The following RIF1 variants were observed in gnomAD, a reference collection of about 807,000 sequenced individuals.
RIF1 encodes the protein replication timing regulatory factor 1.
In RIF1, 45 loss-of-function variants were observed where a neutral mutation model predicts 247.1. The observed-to-expected ratio is 0.18, with a 90% CI of 0.14 to 0.23. The LOEUF is 0.23. Among genes scored for constraint, RIF1 ranks in the 10% least tolerant of loss-of-function variants. The pLI is 1.00. For synonymous variants in RIF1, 1,087 were observed against 978.8 expected (o/e 1.11, Z -2.06); for missense variants, 2,967 against 2,862.5 (o/e 1.04, Z -0.83).
At chr2:151,490,653 TCA>T (rs2055701170) in intron 9 of RIF1, 19 of 1,043,010 alleles carry the variant, frequency 1.8e-5, no homozygotes, top group Non-Finnish European at 2.4e-5. Flanking sequence ...GGTCAAACCC[TCA>T]CAGTTATTCT....
chr2:151,451,726 CTTTG>C (rs1694347914), intron 21 of RIF1, 21 bp downstream of exon 21: 4 of 1,229,088 alleles, frequency 3.3e-6, no homozygotes, highest in African/African-American at 1.5e-5. Context: ...ATTTTTTAAC[CTTTG>C]TTTGTCCAGT....
intron 8 of RIF1, among the ~76,000 whole-genome samples, chr2:151,427,555 C>G (rs1332770128): frequency 6.9e-6 from 1 of 144,568 alleles, no homozygotes; most frequent in African/African-American, 2.6e-5. Flanking sequence ...TTCTCCTGAG[C>G]TCATATTTTT....
At chr2:151,509,065 T>C (rs954815198), downstream of RIF1, among the ~76,000 whole-genome samples, 5 of 152,198 alleles carry the variant, frequency 3.3e-5, no homozygotes, top group African/African-American at 1.2e-4. Context: ...GCCACTGTTA[T>C]AATGGGGATA....
Position 151,493,987 on chromosome 2 carries a change from A to G in RIF1, c.*416-1242A>G. 4 of 901,158 alleles carry G rather than the reference A, an allele frequency of 4.4e-6. No individual in the cohort carries two copies. The South Asian group carries it at 6.8e-5, about 15-fold the overall frequency. The allele number at this position is 901,158 out of a possible 1,614,324, so 55.8% of individuals were successfully genotyped here. A position where few individuals can be genotyped will look rare whatever the true frequency, so the allele number is the denominator to read the frequency against. On this transcript the variant is annotated intron_variant and NMD_transcript_variant, in intron 9 of 13. Transcript: ENST00000454583. ...TTACTATTAGTGAGAACACCTCTCA[A>G]GAAGAAAGCTTAAAAATAGTTAATG...
At chr2:151,490,578 C>T in intron 9 of RIF1, 1 of 1,554,732 alleles carries the variant, frequency 6.4e-7, no homozygotes, top group Non-Finnish European at 8.8e-7. Flanking sequence ...GTAGTAATGC[C>T]TAACAGTGAT....
chr2:151,438,150 C>G (rs1397386824), intron 13 of RIF1, among the ~76,000 whole-genome samples: 1 of 152,148 alleles, frequency 6.6e-6, no homozygotes, highest in Admixed American at 6.6e-5. Flanking sequence ...CTTAGTTACA[C>G]AATTCATTGT....
chr2:151,488,920 T>C (rs1188416692), intron 9 of RIF1, among the ~76,000 whole-genome samples: 1 of 152,212 alleles, frequency 6.6e-6, no homozygotes, highest in African/African-American at 2.4e-5. Flanking sequence ...ATTGCCATGC[T>C]AAATCCATAT....
At position 151,416,797 on chromosome 2, in the gene RIF1, CG is replaced by C. The variant is rs764785009; in HGVS notation, c.409-9del. On this transcript the variant is annotated splice_polypyrimidine_tract_variant and intron_variant, in intron 5 of 35. Transcript: ENST00000444746. ...TTATTTCATTTGTATTTATTTGGTT[CG>C]TTTTTTAGGTATCCAGTATAATTGA... is the stretch of plus-strand genomic sequence containing the variant. The C allele has an allele frequency of 8.4e-5, 134 of 1,602,818 alleles. No homozygotes were observed. The highest frequency in any genetic ancestry group is 1.0e-4 in the Non-Finnish European group (120 of 1,174,226).
At position 151,420,305 on chromosome 2, in the gene RIF1, C is replaced by T. The variant is rs754633115; in HGVS notation, c.619C>T (p.Leu207=). The T allele has an allele frequency of 1.2e-6, 2 of 1,614,012 alleles. No individual in the cohort carries two copies. Among genetic ancestry groups the T allele is most frequent in the African/African-American group, 2.7e-5 (2 of 74,918 alleles). ...GGTACATTTGCGGGGAGCAACTGCTCTGGAGATGGGAATGCCATTATTGCT... is the reference window on the plus strand; with the variant it reads ...GGTACATTTGCGGGGAGCAACTGCTTTGGAGATGGGAATGCCATTATTGCT... ...QKVHLRGATA[L]EMGMPLLLQK... is the part of the protein sequence containing the mutation. The change falls in exon 7 of 36, where the codon CTG becomes TTG. Residue 207 remains leucine (L), a synonymous_variant. Coordinates refer to ENST00000444746, the MANE Select transcript of RIF1 (RefSeq NM_018151.5).
intron 13 of RIF1, among the ~76,000 whole-genome samples, chr2:151,438,392 T>C (rs1691641266): frequency 6.6e-6 from 1 of 152,168 alleles, no homozygotes. Context: ...GTGGGAAGAC[T>C]GCTTGAGCCC....
chr2:151,478,847 C>T lies in RIF1; in HGVS notation c.*3776C>T, dbSNP rs1287243364. On this transcript the variant is annotated 3_prime_UTR_variant, in exon 36 of 36. Coordinates refer to ENST00000444746, the MANE Select transcript of RIF1 (RefSeq NM_018151.5). Reference sequence around the variant, plus strand: ...TCATTCAGCCTAGGAGGCTATAAAACAGCAGTTAGTTGGCATTATTAGACT... The same window carrying T: ...TCATTCAGCCTAGGAGGCTATAAAATAGCAGTTAGTTGGCATTATTAGACT... 6.6e-6 allele frequency: 1 copy of T among 152,144 alleles called. No homozygotes were observed. The highest frequency in any genetic ancestry group is 1.5e-5 in the Non-Finnish European group (1 of 68,028). The allele number at this position is 152,144 out of a possible 1,614,324, so 9.4% of individuals were successfully genotyped here.
At chr2:151,515,802 T>C in the RIF1 span, among the ~76,000 whole-genome samples, 1 of 152,248 alleles carries the variant, frequency 6.6e-6, no homozygotes, top group Non-Finnish European at 1.5e-5. Flanking sequence ...TTTGATGACC[T>C]GACATTCTAT....
chr2:151,477,054 A>G lies in RIF1; in HGVS notation c.*1983A>G, dbSNP rs886641893. The stretch of plus-strand genomic sequence containing the variant: ...TGAATTTTATATAAGCACAAGTATT[A>G]ATTTTAAAAACATTATAGTTTAATA... On this transcript the variant is annotated 3_prime_UTR_variant, in exon 36 of 36. Transcript: ENST00000444746. 2 of 152,236 alleles carry G rather than the reference A, an allele frequency of 1.3e-5. No homozygotes were observed. Among genetic ancestry groups the G allele is most frequent in the Non-Finnish European group, 2.9e-5 (2 of 68,042 alleles). 9.4% of individuals were successfully genotyped at this position (152,236 alleles called of 1,614,324 possible).
intron 7 of RIF1, among the ~76,000 whole-genome samples, chr2:151,422,614 C>T (rs1688375288): frequency 6.6e-6 from 1 of 151,982 alleles, no homozygotes; most frequent in Non-Finnish European, 1.5e-5. Flanking sequence ...ATTCTCATGC[C>T]TCAGCCTCCC....
intron 4 of RIF1, among the ~76,000 whole-genome samples, 171 bp from the exon 5 acceptor site, chr2:151,416,390 G>T (rs1260926032): frequency 1.3e-5 from 2 of 152,092 alleles, no homozygotes; most frequent in African/African-American, 4.8e-5. Context: ...CCTCTAATCT[G>T]AATTTTGTGT....
chr2:151,531,735 C>T, the RIF1 span: 3 of 1,310,566 alleles, frequency 2.3e-6, no homozygotes, highest in Non-Finnish European at 3.3e-6. Flanking sequence ...AAATGCCCCT[C>T]CATGTTTGCA....
chr2:151,525,973 G>A, the RIF1 span: 1 of 1,613,616 alleles, frequency 6.2e-7, no homozygotes, highest in Non-Finnish European at 8.5e-7. Flanking sequence ...TGACATGCTT[G>A]GTCACTTCCT....
chr2:151,496,415 C>T, intron 10 of RIF1: 1 of 1,559,448 alleles, frequency 6.4e-7, no homozygotes, highest in Non-Finnish European at 8.7e-7. Context: ...AGTAACATTT[C>T]ATTTGTTGAG....
chr2:151,410,227 T>C (rs1010677768), intron 1 of RIF1, 187 bp from the exon 2 acceptor site: 3 of 630,644 alleles, frequency 4.8e-6, no homozygotes, highest in African/African-American at 3.6e-5. Flanking sequence ...TGGGCTCAGG[T>C]GTCTGGTGTC....
Sources: gnomAD v4.1 joint callset for allele counts (sites outside exome capture counted in the v4.1 genomes callset) on GRCh38, gnomAD v4.1.1 for gene constraint, MANE v1.5 for transcripts, NCBI Gene and HGNC (gene_info 2026-07-23, HGNC 2026-07-21) for gene names.